FAM168A: variants seen among roughly 807,000 people sequenced by gnomAD.
FAM168A encodes protein FAM168A.
In FAM168A, 3 loss-of-function variants were observed where a neutral mutation model predicts 28.5. That is an observed-to-expected ratio of 0.11 (90% CI 0.05 to 0.27). The LOEUF (loss-of-function observed/expected upper bound fraction) is 0.27, where lower values mean the gene tolerates loss of function less well. Among genes scored for constraint, FAM168A ranks in the 10% least tolerant of loss-of-function variants. The probability of loss-of-function intolerance (pLI) is 1.00; values close to 1 mark genes in which losing one functional copy is unlikely to be tolerated. For missense variants in FAM168A, 222 were observed against 311.5 expected (o/e 0.71, Z 2.16); for synonymous variants, 122 against 124.2 (o/e 0.98, Z 0.12).
At chr11:73,493,022 C>A (rs1441859660) in intron 1 of FAM168A, among the ~76,000 whole-genome samples, 1 of 152,104 alleles carries the variant, frequency 6.6e-6, no homozygotes, top group African/African-American at 2.4e-5. Flanking sequence ...TTGGGCTCTA[C>A]CAAGAGTGTG....
intron 1 of FAM168A, among the ~76,000 whole-genome samples, chr11:73,565,978 C>T (rs1217638868): frequency 2.6e-5 from 4 of 152,136 alleles, no homozygotes; most frequent in Admixed American, 6.5e-5. Flanking sequence ...AGCATTAATT[C>T]CCCCCTTTCC....
At chr11:73,484,812 C>A (rs1343134357) in intron 1 of FAM168A, among the ~76,000 whole-genome samples, 1 of 151,364 alleles carries the variant, frequency 6.6e-6, no homozygotes, top group Non-Finnish European at 1.5e-5. Flanking sequence ...AATAGGCCAT[C>A]TGCAAGCTGA....
At chr11:73,580,954 GC>G (rs2134734463) in intron 1 of FAM168A, among the ~76,000 whole-genome samples, 1 of 152,314 alleles carries the variant, frequency 6.6e-6, no homozygotes, top group African/African-American at 2.4e-5. Context: ...AGTGTGTCAG[GC>G]AATCTGGACT....
intron 1 of FAM168A, among the ~76,000 whole-genome samples, chr11:73,544,124 T>G (rs1346035004): frequency 6.6e-6 from 1 of 151,990 alleles, no homozygotes; most frequent in Non-Finnish European, 1.5e-5. Flanking sequence ...AAAGCAAGAT[T>G]CAGTCTCTTA....
At chr11:73,505,895 G>T (rs989156501) in intron 1 of FAM168A, among the ~76,000 whole-genome samples, 1 of 152,096 alleles carries the variant, frequency 6.6e-6, no homozygotes, top group South Asian at 2.1e-4. Context: ...TTCTTTTCTG[G>T]ACCAAATCAA....
At chr11:73,544,713 T>TA (rs1943704311) in intron 1 of FAM168A, among the ~76,000 whole-genome samples, 1 of 122,510 alleles carries the variant, frequency 8.2e-6, no homozygotes, top group East Asian at 2.0e-4. Flanking sequence ...TTATATATAA[T>TA]TATATATTTT....
rs1866459375 is a variant in FAM168A at position 73,404,089 on chromosome 11, G to T, written c.*2674C>A. 1.3e-5 allele frequency: 2 copies of T among 152,210 alleles called. No individual in the cohort carries two copies. The highest frequency in any genetic ancestry group is 2.9e-5 in the Non-Finnish European group (2 of 68,044). 9.4% of individuals were successfully genotyped at this position (152,210 alleles called of 1,614,324 possible). A position where few individuals can be genotyped will look rare whatever the true frequency, so the allele number is the denominator to read the frequency against. On this transcript the variant is annotated 3_prime_UTR_variant, in exon 8 of 8. Coordinates refer to ENST00000356467, the MANE Select transcript of FAM168A (RefSeq NM_015159.3). Reference sequence around the variant, plus strand: ...GGAGAAATAACCTCTATTTCATCGGGTTAAACCAGATAATTTATGTTCAAC... The same window carrying T: ...GGAGAAATAACCTCTATTTCATCGGTTTAAACCAGATAATTTATGTTCAAC...
intron 2 of FAM168A, among the ~76,000 whole-genome samples, chr11:73,454,563 C>T (rs1022834679): frequency 6.6e-6 from 1 of 152,202 alleles, no homozygotes; most frequent in Non-Finnish European, 1.5e-5. Context: ...CGAAACCCCA[C>T]CCTCAAGCCA....
intron 1 of FAM168A, among the ~76,000 whole-genome samples, chr11:73,542,236 C>T (rs1316567394): frequency 6.6e-6 from 1 of 152,134 alleles, no homozygotes; most frequent in Non-Finnish European, 1.5e-5. Flanking sequence ...CTTGTATATC[C>T]AACTGCCTGA....
intron 1 of FAM168A, among the ~76,000 whole-genome samples, chr11:73,586,261 C>G (rs1944312854): frequency 1.3e-5 from 2 of 152,254 alleles, no homozygotes; most frequent in Middle Eastern, 6.8e-3. Context: ...ATCTCTGAGC[C>G]TCTGTTTTCT....
chr11:73,582,732 A>G lies in FAM168A; in HGVS notation c.-19+15191T>C, dbSNP rs192777950. ...GTTAATAAAGAGGAAACTTTGAAGC[A>G]GAAAAAAGAACTCTAGACTGAGTCA... On this transcript the variant is annotated intron_variant, in intron 1 of 7. Transcript: ENST00000356467. Among the ~76,000 whole-genome samples the G allele has an allele frequency of 2.1e-3, 322 of 152,334 alleles. 1 individual carries two copies. Among genetic ancestry groups the G allele is most frequent in the African/African-American group, 7.4e-3 (309 of 41,586 alleles).
At chr11:73,487,530 C>CA (rs749687710) in intron 1 of FAM168A, among the ~76,000 whole-genome samples, 1 of 152,114 alleles carries the variant, frequency 6.6e-6, no homozygotes, top group Non-Finnish European at 1.5e-5. Context: ...GCTCCTAGCT[C>CA]ACTGTCATTC....
At chr11:73,411,212 C>T (rs1866604044) in intron 5 of FAM168A, among the ~76,000 whole-genome samples, 182 bp downstream of exon 5, 1 of 152,218 alleles carries the variant, frequency 6.6e-6, no homozygotes, top group South Asian at 2.1e-4. Flanking sequence ...CCTCTAGGGG[C>T]TGAGGTGGAG....
chr11:73,467,106 A>C (rs1005423655), intron 2 of FAM168A, among the ~76,000 whole-genome samples: 28 of 152,280 alleles, frequency 1.8e-4, no homozygotes, highest in African/African-American at 6.7e-4. Context: ...ACTTATGTGG[A>C]GTTTATACTA....
At chr11:73,490,855 A>G (rs1319562376) in intron 1 of FAM168A, among the ~76,000 whole-genome samples, 1 of 152,118 alleles carries the variant, frequency 6.6e-6, no homozygotes, top group Non-Finnish European at 1.5e-5. Context: ...CCCTTCACCC[A>G]AAATGTAAGC....
rs184839910 is a variant in FAM168A at position 73,539,043 on chromosome 11, G to A, written c.-19+58880C>T. 1.9e-3 allele frequency among the ~76,000 whole-genome samples: 293 copies of A among 152,266 alleles called. 2 individuals carry two copies. Among genetic ancestry groups the A allele is most frequent in the Admixed American group, 0.016 (241 of 15,294 alleles). ...TACAGGTTAAATAAGATAATGTTAA[G>A]TAAAGAACCTAAGAACAGAGCTAGC... is the stretch of plus-strand genomic sequence containing the variant. On this transcript the variant is annotated intron_variant, in intron 1 of 7. Coordinates refer to ENST00000356467, the MANE Select transcript of FAM168A (RefSeq NM_015159.3).
At chr11:73,433,840 C>CTTTTTT (rs34260175) in intron 2 of FAM168A, among the ~76,000 whole-genome samples, 45 of 83,304 alleles carry the variant, frequency 5.4e-4, no homozygotes, top group East Asian at 1.0e-3. Context: ...AGGGTAGGCC[C>CTTTTTT]TTTTTTTTTT....
chr11:73,535,545 G>A (rs1185293940), intron 1 of FAM168A, among the ~76,000 whole-genome samples: 32 of 149,966 alleles, frequency 2.1e-4, no homozygotes, highest in Non-Finnish European at 3.8e-4. Flanking sequence ...TCAGCCTCCC[G>A]AGTAGCTGGG....
chr11:73,433,064 A>C (rs544472690), intron 2 of FAM168A, among the ~76,000 whole-genome samples: 1 of 127,506 alleles, frequency 7.8e-6, no homozygotes, highest in Non-Finnish European at 1.6e-5. Context: ...GGTGCGTGCC[A>C]CCACGCCCCG....
Sources: allele counts gnomAD v4.1 joint callset (sites outside exome capture counted in the v4.1 genomes callset), GRCh38; gene constraint gnomAD v4.1.1; transcripts MANE v1.5; gene names NCBI Gene and HGNC (gene_info 2026-07-23, HGNC 2026-07-21).